IQSEC1: variants seen among roughly 807,000 people sequenced by gnomAD.
IQSEC1 encodes IQ motif and Sec7 domain ArfGEF 1.
Under a neutral mutation model 91.0 loss-of-function variants are expected in IQSEC1, and 31 were observed. The ratio of observed to expected loss-of-function variants is 0.34; its 90% CI spans 0.26 to 0.46. The LOEUF (loss-of-function observed/expected upper bound fraction) is 0.46, where lower values mean the gene tolerates loss of function less well. Among genes scored for constraint, IQSEC1 ranks in the 20% least tolerant of loss-of-function variants. The pLI is 1.00. For synonymous variants in IQSEC1, 699 were observed against 662.6 expected, an observed-to-expected ratio of 1.05 and a Z score of -0.84; for missense variants, 1,388 against 1,575.6, an observed-to-expected ratio of 0.88 and a Z score of 2.02.
intron 1 of IQSEC1, among the ~76,000 whole-genome samples, chr3:13,196,385 G>A (rs563907300): frequency 2.0e-4 from 31 of 152,326 alleles, no homozygotes; most frequent in African/African-American, 7.0e-4. Context: ...GAAAGGTAAC[G>A]CATGAAGCCT....
Position 12,924,673 on chromosome 3 carries a change from G to C in IQSEC1, c.1638C>G (p.Ala546=). The C allele has an allele frequency of 6.2e-7, 1 of 1,610,448 alleles. No individual in the cohort carries two copies. ...GFVPDTPVGV[A]HFLLQRKGLS... ...GGCCCTTGCGCTGCAGCAGGAAGTG[G>C]GCCACCCCGACGGGCGTGTCGGGCA... Residue 546 remains alanine (A), a synonymous_variant, in exon 4 of 14, where the codon GCC becomes GCG. Transcript: ENST00000613206. This position sits in a 1 kb window ranked among gnomAD's most constrained non-coding sequence, Gnocchi z 6.3.
intron 2 of IQSEC1, among the ~76,000 whole-genome samples, chr3:13,104,311 T>G (rs1706109780): frequency 6.6e-6 from 1 of 152,142 alleles, no homozygotes; most frequent in African/African-American, 2.4e-5. Context: ...AGGGAAGAGA[T>G]GGGGTGAGTC....
intron 1 of IQSEC1, among the ~76,000 whole-genome samples, chr3:12,951,358 G>A (rs1040931025): frequency 6.6e-6 from 1 of 152,122 alleles, no homozygotes; most frequent in African/African-American, 2.4e-5. Flanking sequence ...GGGAGGCGGA[G>A]GTTGCAGTGA....
intron 1 of IQSEC1, among the ~76,000 whole-genome samples, chr3:13,276,581 A>C (rs357152): frequency 0.61 from 93,338 of 151,998 alleles, 29,279 homozygotes; most frequent in East Asian, 0.94. Context: ...TGGCTGAGGC[A>C]GGGCTGGGAT....
At chr3:12,993,984 C>G (rs1168492981) in intron 1 of IQSEC1, among the ~76,000 whole-genome samples, 1 of 151,220 alleles carries the variant, frequency 6.6e-6, no homozygotes, top group East Asian at 2.0e-4. Context: ...CAGGCCGCCC[C>G]GCGGAGGGCA....
rs370551590 is a variant in IQSEC1, at chr3:12,975,564, A to G, written c.24-33699T>C. ...AGTGCCTGGCTGGATCAGGGATTTG[A>G]GCCCAGGTCCATTTGGTCCCCAAAC... is the stretch of plus-strand genomic sequence containing the variant. On this transcript the variant is annotated intron_variant, in intron 1 of 13. Transcript: ENST00000613206. Among the ~76,000 whole-genome samples the G allele has an allele frequency of 5.9e-5, 9 of 152,334 alleles. No individual in the cohort carries two copies. In the South Asian group the frequency reaches 1.0e-3, roughly 18 times the overall value.
rs747534161 is a variant in IQSEC1 at position 12,901,196 on chromosome 3, GTGGTGA to G, written c.3126_3131del (p.His1046_His1047del). Reference sequence around the variant, plus strand: ...GGATGTGCTGGGGTGGGTGGTGGTGGTGGTGATGGTGGTACGGGGGAGGGTTCTGCA... The same window carrying G: ...GGATGTGCTGGGGTGGGTGGTGGTGGTGGTGGTACGGGGGAGGGTTCTGCA... On this transcript the variant is annotated inframe_deletion, in exon 14 of 14. Transcript: ENST00000613206. 89 of 1,543,840 alleles carry G rather than the reference GTGGTGA, an allele frequency of 5.8e-5. No individual in the cohort carries two copies. The highest frequency in any genetic ancestry group is 7.4e-5 in the Non-Finnish European group (85 of 1,143,140).
intron 2 of IQSEC1, among the ~76,000 whole-genome samples, chr3:13,113,580 GGC>G (rs34472122): frequency 0.43 from 65,261 of 151,880 alleles, 14,321 homozygotes; most frequent in South Asian, 0.61. Context: ...AGGGAGGTGG[GGC>G]GCGGAGAGAA....
At chr3:13,267,562 C>T (rs190497779) in intron 1 of IQSEC1, among the ~76,000 whole-genome samples, 74 of 152,134 alleles carry the variant, frequency 4.9e-4, no homozygotes, top group Admixed American at 1.2e-3. Context: ...TAAACAAGTC[C>T]CCCCAGCCCT....
intron 1 of IQSEC1, among the ~76,000 whole-genome samples, chr3:13,039,869 C>T (rs1293952060): frequency 6.6e-6 from 1 of 152,254 alleles, no homozygotes; most frequent in African/African-American, 2.4e-5. Context: ...TGGCAGCATG[C>T]AGCCTCCACA....
chr3:13,230,073 C>T (rs1409985594), intron 1 of IQSEC1, among the ~76,000 whole-genome samples: 1 of 152,188 alleles, frequency 6.6e-6, no homozygotes, highest in Admixed American at 6.5e-5. Context: ...TATTTCTCAA[C>T]ATGAGCTCTA....
intron 2 of IQSEC1, among the ~76,000 whole-genome samples, chr3:12,938,143 G>A (rs1416887621): frequency 6.6e-6 from 1 of 152,230 alleles, no homozygotes; most frequent in Non-Finnish European, 1.5e-5. Flanking sequence ...CTGGGGTGGC[G>A]TGGGCATGTG....
chr3:13,014,916 C>T (rs902114483), intron 1 of IQSEC1, among the ~76,000 whole-genome samples: 1 of 152,138 alleles, frequency 6.6e-6, no homozygotes, highest in African/African-American at 2.4e-5. Context: ...TGGGCTACTG[C>T]CAGATGGGAA....
intron 9 of IQSEC1, among the ~76,000 whole-genome samples, chr3:12,912,431 G>A (rs931824080): frequency 6.6e-6 from 1 of 152,304 alleles, no homozygotes; most frequent in African/African-American, 2.4e-5. Flanking sequence ...GAAGGGATTC[G>A]CTCAAGGTCA....
chr3:13,045,997 TG>T (rs1704478986), intron 1 of IQSEC1, among the ~76,000 whole-genome samples: 1 of 152,246 alleles, frequency 6.6e-6, no homozygotes, highest in Non-Finnish European at 1.5e-5. Context: ...GGGAATGTTC[TG>T]GAGTCTGTGT....
chr3:12,901,607 T>A (rs1694315403), intron 13 of IQSEC1, 85 bp from the exon 14 acceptor site: 3 of 1,150,410 alleles, frequency 2.6e-6, no homozygotes, highest in Admixed American at 2.3e-5. Context: ...AATGTAAAAA[T>A]TCACCCACTG....
At chr3:13,251,698 T>C (rs1695196370) in intron 1 of IQSEC1, among the ~76,000 whole-genome samples, 1 of 152,190 alleles carries the variant, frequency 6.6e-6, no homozygotes, top group Non-Finnish European at 1.5e-5. Flanking sequence ...GCCCGCTACC[T>C]GGGGTATGAG....
chr3:13,038,319 A>C (rs1052822684), intron 1 of IQSEC1, among the ~76,000 whole-genome samples: 1 of 143,860 alleles, frequency 7.0e-6, no homozygotes, highest in Non-Finnish European at 1.5e-5. Flanking sequence ...CTATTCAGCC[A>C]TAAATGATAT....
intron 1 of IQSEC1, among the ~76,000 whole-genome samples, chr3:12,981,887 G>C (rs1047518600): frequency 6.6e-6 from 1 of 152,206 alleles, no homozygotes; most frequent in African/African-American, 2.4e-5. Flanking sequence ...CTGAGCACTT[G>C]CCTCCTGGCA....
Sources: gnomAD v4.1 joint callset for allele counts (sites outside exome capture counted in the v4.1 genomes callset) on GRCh38, gnomAD v4.1.1 for gene constraint, Gnocchi (gnomAD v3.1) non-coding constraint, MANE v1.5 for transcripts, NCBI Gene and HGNC (gene_info 2026-07-23, HGNC 2026-07-21) for gene names.